DYNC1I1: variants seen among roughly 807,000 people sequenced by gnomAD.
The protein encoded by DYNC1I1 is cytoplasmic dynein 1 intermediate chain 1.
A neutral mutation model predicts 86.6 loss-of-function variants in DYNC1I1; 43 were observed. The observed-to-expected ratio is 0.50, with a 90% CI of 0.39 to 0.64. DYNC1I1 has a LOEUF of 0.64. Among genes scored for constraint, DYNC1I1 ranks in the 30% least tolerant of loss-of-function variants. The probability of loss-of-function intolerance (pLI) is 0.00; values close to 1 mark genes in which losing one functional copy is unlikely to be tolerated. For missense variants in DYNC1I1, 604 were observed against 788.8 expected (o/e 0.77, Z 2.81); for synonymous variants, 262 against 283.7 (o/e 0.92, Z 0.77).
chr7:95,978,837 C>CCA (rs1793378575), intron 7 of DYNC1I1, among the ~76,000 whole-genome samples: 1 of 152,042 alleles, frequency 6.6e-6, no homozygotes, highest in African/African-American at 2.4e-5. Flanking sequence ...TCACTCTGTC[C>CCA]CAGGCTGCAG....
chr7:95,792,158 C>T (rs1794319724), intron 1 of DYNC1I1, among the ~76,000 whole-genome samples: 1 of 152,146 alleles, frequency 6.6e-6, no homozygotes, highest in East Asian at 1.9e-4. Flanking sequence ...TTAAGTCTAA[C>T]AGGAGGAGAA....
intron 5 of DYNC1I1, among the ~76,000 whole-genome samples, chr7:95,864,297 C>A (rs1789964351): frequency 6.6e-6 from 1 of 152,164 alleles, no homozygotes; most frequent in African/African-American, 2.4e-5. Context: ...CAATCAAGGA[C>A]AAATGGACAG....
At chr7:96,086,223 C>T (rs1790676587) in intron 16 of DYNC1I1, among the ~76,000 whole-genome samples, 1 of 152,172 alleles carries the variant, frequency 6.6e-6, no homozygotes, top group Non-Finnish European at 1.5e-5. Context: ...ACTATGTTTG[C>T]TGCTTATCTG....
intron 6 of DYNC1I1, among the ~76,000 whole-genome samples, chr7:95,874,499 G>A (rs749507507): frequency 6.6e-6 from 1 of 152,206 alleles, no homozygotes. Context: ...AGCTGCTATC[G>A]ACTGGATTGT....
In DYNC1I1 at chr7:95,810,491, C is replaced by G. The variant is rs762840556; in HGVS notation, c.208C>G (p.Pro70Ala). ...EALLQSIGIS[P>A]EPPLVPTPMS... ...TTTGCTGCAAAGCATTGGTATCTCA[C>G]CGGAGCCGCCTCTAGGTACTTAAAA... Residue 70 changes from proline to alanine, a missense_variant, in exon 3 of 17, where the codon CCG (proline) becomes GCG (alanine). Transcript: ENST00000447467. The G allele has an allele frequency of 5.6e-6, 9 of 1,612,056 alleles. No individual in the cohort carries two copies. Among genetic ancestry groups the G allele is most frequent in the African/African-American group, 1.3e-5 (1 of 74,964 alleles).
intron 16 of DYNC1I1, 97 bp downstream of exon 16, chr7:96,080,585 C>T: frequency 6.2e-7 from 1 of 1,600,346 alleles, no homozygotes; most frequent in Non-Finnish European, 8.6e-7. Flanking sequence ...GCCACAAGGA[C>T]CCTCTCTAAC....
intron 8 of DYNC1I1, 72 bp from the exon 9 acceptor site, chr7:95,986,984 A>G (rs1161282227): frequency 7.3e-7 from 1 of 1,368,706 alleles, no homozygotes; most frequent in South Asian, 1.2e-5. Flanking sequence ...GGCTTTTGCC[A>G]TATCAGTGCT....
chr7:95,920,285 A>T (rs1157576581), intron 6 of DYNC1I1, among the ~76,000 whole-genome samples: 1 of 152,148 alleles, frequency 6.6e-6, no homozygotes, highest in East Asian at 1.9e-4. Context: ...CATGAGAAAA[A>T]CATCACGCAA....
chr7:96,004,571 AAT>A (rs1794094311), intron 10 of DYNC1I1, among the ~76,000 whole-genome samples: 4 of 151,944 alleles, frequency 2.6e-5, no homozygotes, highest in Admixed American at 2.6e-4. Context: ...GTTCATGATA[AAT>A]ATAGTCTTCT....
chr7:95,863,446 A>C (rs1439957079), intron 5 of DYNC1I1, among the ~76,000 whole-genome samples: 1 of 152,130 alleles, frequency 6.6e-6, no homozygotes, highest in Non-Finnish European at 1.5e-5. Flanking sequence ...AATTTTGTGA[A>C]TATACTAATA....
At chr7:95,901,354 A>C (rs549431374) in intron 6 of DYNC1I1, among the ~76,000 whole-genome samples, 36 of 152,226 alleles carry the variant, frequency 2.4e-4, no homozygotes, top group Non-Finnish European at 4.0e-4. Flanking sequence ...AAAGGGACAG[A>C]GTTCTCTGCA....
chr7:95,910,182 A>G (rs1486074750), intron 6 of DYNC1I1, among the ~76,000 whole-genome samples: 1 of 152,078 alleles, frequency 6.6e-6, no homozygotes, highest in Non-Finnish European at 1.5e-5. Flanking sequence ...TCCACTCAAT[A>G]TTGAGTCCCT....
intron 14 of DYNC1I1, among the ~76,000 whole-genome samples, chr7:96,065,618 G>A (rs904498972): frequency 6.6e-6 from 1 of 151,984 alleles, no homozygotes; most frequent in African/African-American, 2.4e-5. Context: ...AAACTCCTTG[G>A]CTCAAGCAAT....
intron 6 of DYNC1I1, among the ~76,000 whole-genome samples, chr7:95,968,922 TG>T (rs983741598): frequency 6.6e-6 from 1 of 151,364 alleles, no homozygotes; most frequent in Non-Finnish European, 1.5e-5. Flanking sequence ...CTGCCAAGGA[TG>T]GCCATAAAGG....
chr7:96,044,630 A>C (rs1029353023), intron 14 of DYNC1I1, among the ~76,000 whole-genome samples: 1 of 152,158 alleles, frequency 6.6e-6, no homozygotes, highest in African/African-American at 2.4e-5. Flanking sequence ...CTGAGCAGCA[A>C]CATCTCTTCT....
intron 1 of DYNC1I1, among the ~76,000 whole-genome samples, chr7:95,791,283 A>C (rs537473178): frequency 2.1e-4 from 32 of 152,352 alleles, no homozygotes; most frequent in African/African-American, 7.5e-4. Context: ...TGCATCCTCT[A>C]TCGAGAGAGA....
chr7:95,917,405 TAAA>T (rs1791498345), intron 6 of DYNC1I1, among the ~76,000 whole-genome samples: 1 of 152,142 alleles, frequency 6.6e-6, no homozygotes, highest in African/African-American at 2.4e-5. Flanking sequence ...TCAATATTTA[TAAA>T]ATATTATAAA....
intron 2 of DYNC1I1, among the ~76,000 whole-genome samples, chr7:95,809,492 T>A (rs897008896): frequency 6.6e-6 from 1 of 152,188 alleles, no homozygotes; most frequent in Non-Finnish European, 1.5e-5. Context: ...CAACGTGATG[T>A]TATCATGTTT....
intron 16 of DYNC1I1, among the ~76,000 whole-genome samples, chr7:96,082,854 A>T (rs1293327380): frequency 1.3e-5 from 2 of 152,160 alleles, no homozygotes; most frequent in African/African-American, 4.8e-5. Flanking sequence ...ATCATTTCTA[A>T]ATTGTAAAGT....
Sources: allele counts gnomAD v4.1 joint callset (sites outside exome capture counted in the v4.1 genomes callset), GRCh38; gene constraint gnomAD v4.1.1; transcripts MANE v1.5; gene names NCBI Gene and HGNC (gene_info 2026-07-23, HGNC 2026-07-21).